Variants in CDH12 observed in about 807,000 individuals in gnomAD.
CDH12 encodes cadherin-12.
CDH12 carries 41 observed loss-of-function variants against 74.1 expected under a neutral mutation model. That is an observed-to-expected ratio of 0.55 (90% CI 0.43 to 0.72). The LOEUF is 0.72. Among genes scored for constraint, CDH12 ranks in the 30% least tolerant of loss-of-function variants. The pLI is 0.00. For synonymous variants in CDH12, 399 were observed against 355.0 expected (o/e 1.12, Z -1.39); for missense variants, 945 against 977.2 (o/e 0.97, Z 0.44).
chr5:22,753,549 T>C lies in CDH12; in HGVS notation c.-523+99509A>G, dbSNP rs1393186314. On this transcript the variant is annotated intron_variant, in intron 1 of 14. Transcript: ENST00000382254. ...TGAAGCATTCTCAGCCGTGAGGATC[T>C]AGTATGCTTTGAAAGAAAAATAAAT... 7.4e-4 allele frequency among the ~76,000 whole-genome samples: 108 copies of C among 146,578 alleles called. 1 individual carries two copies. In the Admixed American group the frequency reaches 7.4e-3, roughly 10 times the overall value.
chr5:21,912,856 T>C (rs112529552), intron 6 of CDH12, among the ~76,000 whole-genome samples: 3,186 of 152,178 alleles, frequency 0.021, 123 homozygotes, highest in African/African-American at 0.073. Flanking sequence ...TTTTTGTCTG[T>C]TTTTGAGACA....
At chr5:21,880,240 G>T (rs189979763) in intron 6 of CDH12, among the ~76,000 whole-genome samples, 2 of 152,318 alleles carry the variant, frequency 1.3e-5, no homozygotes, top group East Asian at 3.9e-4. Flanking sequence ...CTCAAACAAA[G>T]TTATATTTCC....
At chr5:21,883,621 A>T in intron 6 of CDH12, 1 of 1,610,620 alleles carries the variant, frequency 6.2e-7, no homozygotes, top group Non-Finnish European at 8.5e-7. Context: ...GACTTAGGAA[A>T]AGTTGGAGAG....
Position 22,433,746 on chromosome 5 carries a change from A to C in CDH12, c.-427-28395T>G, listed in dbSNP as rs111747352. Among the ~76,000 whole-genome samples, 480 of 152,306 alleles carry C rather than the reference A, an allele frequency of 3.2e-3. 2 individuals carry two copies. The highest frequency in any genetic ancestry group is 0.011 in the African/African-American group (452 of 41,582). On this transcript the variant is annotated intron_variant, in intron 2 of 14. Transcript: ENST00000382254. ...AAAGCTCAGTACTTACAAGCTGTTT[A>C]GGAATTCAAACACAGGCAAGCTGGC...
intron 4 of CDH12, among the ~76,000 whole-genome samples, chr5:22,139,931 C>T (rs1225579238): frequency 1.3e-5 from 2 of 152,012 alleles, no homozygotes; most frequent in African/African-American, 2.4e-5. Flanking sequence ...TATCTTGGCA[C>T]TTTCCTGCCA....
intron 1 of CDH12, among the ~76,000 whole-genome samples, chr5:22,594,671 G>T (rs1369096739): frequency 6.6e-6 from 1 of 152,100 alleles, no homozygotes; most frequent in African/African-American, 2.4e-5. Flanking sequence ...TAGCTGAAAT[G>T]AGCATTTTAA....
chr5:22,157,587 G>GA (rs199765378), intron 4 of CDH12, among the ~76,000 whole-genome samples: 70,083 of 150,884 alleles, frequency 0.46, 16,539 homozygotes, highest in Admixed American at 0.55. Flanking sequence ...CATAAAATCT[G>GA]AAAAAAAAAT....
intron 4 of CDH12, among the ~76,000 whole-genome samples, chr5:22,144,516 A>G (rs1747030885): frequency 6.6e-6 from 1 of 152,156 alleles, no homozygotes; most frequent in South Asian, 2.1e-4. Context: ...TCAATGCCTC[A>G]CAGTCAAAAT....
At chr5:21,869,610 A>G (rs1318222255) in intron 6 of CDH12, among the ~76,000 whole-genome samples, 2 of 152,156 alleles carry the variant, frequency 1.3e-5, no homozygotes, top group Non-Finnish European at 2.9e-5. Flanking sequence ...TGTTAATTTT[A>G]TATCATAGCA....
chr5:22,576,555 C>G (rs1158061867), intron 1 of CDH12, among the ~76,000 whole-genome samples: 1 of 152,150 alleles, frequency 6.6e-6, no homozygotes, highest in Non-Finnish European at 1.5e-5. Context: ...GAGTTTTGTG[C>G]ACTAAGCAGT....
chr5:22,293,011 TC>T (rs1414212118), intron 3 of CDH12, among the ~76,000 whole-genome samples: 1 of 51,514 alleles, frequency 1.9e-5, no homozygotes, highest in African/African-American at 4.8e-5. Flanking sequence ...CCATTCCCAA[TC>T]TGTAACCCAC....
intron 3 of CDH12, among the ~76,000 whole-genome samples, chr5:22,288,943 C>T (rs948935773): frequency 6.6e-6 from 1 of 152,042 alleles, no homozygotes; most frequent in African/African-American, 2.4e-5. Context: ...ATGAAGAAGG[C>T]TAAGGCGAAA....
chr5:22,599,771 A>T (rs961100374), intron 1 of CDH12, among the ~76,000 whole-genome samples: 1 of 152,154 alleles, frequency 6.6e-6, no homozygotes, highest in Non-Finnish European at 1.5e-5. Context: ...TCAAATTGAA[A>T]GATGTGTATA....
At chr5:21,771,967 A>G (rs1745345712) in intron 11 of CDH12, among the ~76,000 whole-genome samples, 2 of 152,072 alleles carry the variant, frequency 1.3e-5, no homozygotes, top group Admixed American at 1.3e-4. Flanking sequence ...TCTTTGTTTC[A>G]ATGTTATTGC....
At chr5:21,874,397 C>T (rs553103170) in intron 6 of CDH12, among the ~76,000 whole-genome samples, 6 of 152,160 alleles carry the variant, frequency 3.9e-5, no homozygotes, top group Admixed American at 1.3e-4. Context: ...CCTTTAAACA[C>T]GGGGCTTGCA....
At chr5:21,886,278 G>C (rs939929570) in intron 6 of CDH12, among the ~76,000 whole-genome samples, 6 of 151,466 alleles carry the variant, frequency 4.0e-5, no homozygotes, top group African/African-American at 7.3e-5. Flanking sequence ...TAGCTAAAAT[G>C]AAGTATGTTT....
intron 2 of CDH12, among the ~76,000 whole-genome samples, chr5:22,478,189 C>A (rs961114796): frequency 2.0e-5 from 3 of 151,866 alleles, no homozygotes; most frequent in Non-Finnish European, 4.4e-5. Flanking sequence ...GAGGCCGAGG[C>A]GGGTGGATCA....
chr5:22,637,393 A>C (rs948453822), intron 1 of CDH12, among the ~76,000 whole-genome samples: 15 of 152,232 alleles, frequency 9.9e-5, no homozygotes, highest in African/African-American at 3.6e-4. Flanking sequence ...AGCAGCTACA[A>C]GGTAACCCTG....
intron 2 of CDH12, among the ~76,000 whole-genome samples, chr5:22,463,145 T>C (rs547127227): frequency 6.6e-6 from 1 of 152,180 alleles, no homozygotes; most frequent in Non-Finnish European, 1.5e-5. Flanking sequence ...TGAGTAATTC[T>C]TTTTACACAA....
Sources: gnomAD v4.1 joint callset for allele counts (sites outside exome capture counted in the v4.1 genomes callset) on GRCh38, gnomAD v4.1.1 for gene constraint, MANE v1.5 for transcripts, NCBI Gene and HGNC (gene_info 2026-07-23, HGNC 2026-07-21) for gene names.